Variants in LYPLA1 observed in about 807,000 individuals in gnomAD.
LYPLA1 encodes the protein lysophospholipase 1.
Under a neutral mutation model 34.0 loss-of-function variants are expected in LYPLA1, and 17 were observed. That is an observed-to-expected ratio of 0.50 (90% CI 0.34 to 0.75). The LOEUF is 0.75. Among genes scored for constraint, LYPLA1 ranks in the 30% least tolerant of loss-of-function variants. The pLI is 0.01. For synonymous variants in LYPLA1, 98 were observed against 100.8 expected, an observed-to-expected ratio of 0.97 and a Z score of 0.17; for missense variants, 203 against 288.8, an observed-to-expected ratio of 0.70 and a Z score of 2.15.
Position 54,051,021 on chromosome 8 carries a change from C to T in LYPLA1, c.630G>A (p.Ser210=), listed in dbSNP as rs149651554. Residue 210 remains serine, a synonymous_variant, in exon 8 of 9, where the codon TCG becomes TCA. Transcript: ENST00000316963. ...FKTYEGMMHS[S]CQQEMMDVKQ... ...GCTTCTAGACACCTACCTGTTGACA[C>T]GAACTGTGCATCATACCTTCATAGG... is the stretch of plus-strand genomic sequence containing the variant. The T allele has an allele frequency of 6.4e-5, 102 of 1,606,220 alleles. No homozygotes were observed. In the Middle Eastern group the frequency reaches 6.6e-4, roughly 10 times the overall value.
chr8:54,068,659 G>T (rs1039638546), intron 2 of LYPLA1, among the ~76,000 whole-genome samples: 1 of 152,286 alleles, frequency 6.6e-6, no homozygotes, highest in South Asian at 2.1e-4. Flanking sequence ...AAAGAAGTTG[G>T]ACTGCTACCT....
intron 3 of LYPLA1, among the ~76,000 whole-genome samples, chr8:54,063,767 C>T (rs80337037): frequency 1.3e-5 from 2 of 152,350 alleles, no homozygotes; most frequent in Non-Finnish European, 2.9e-5. Context: ...CATCAATTCT[C>T]ATATGCTCAG....
intron 7 of LYPLA1, among the ~76,000 whole-genome samples, chr8:54,052,447 G>A (rs1457323240): frequency 6.6e-6 from 1 of 152,108 alleles, no homozygotes. Context: ...GTGGAGGTGG[G>A]GATGCTGATG....
Position 54,047,120 on chromosome 8 carries a change from ATTCT to A in LYPLA1, c.*941_*944del, listed in dbSNP as rs1308768361. On this transcript the variant is annotated 3_prime_UTR_variant, in exon 9 of 9. Coordinates refer to ENST00000316963, the MANE Select transcript of LYPLA1 (RefSeq NM_006330.4). Reference sequence around the variant, plus strand: ...GAACATACTAGAATATGATCTAATTATTCTTTCAGTTGTTTACAGAAAAATGAAA... The same window carrying A: ...GAACATACTAGAATATGATCTAATTATTCAGTTGTTTACAGAAAAATGAAA... 1.3e-5 allele frequency: 2 copies of A among 152,184 alleles called. No homozygotes were observed. Among genetic ancestry groups the A allele is most frequent in the African/African-American group, 4.8e-5 (2 of 41,468 alleles). The allele number at this position is 152,184 out of a possible 1,614,324, so 9.4% of individuals were successfully genotyped here. A position where few individuals can be genotyped will look rare whatever the true frequency, so the allele number is the denominator to read the frequency against.
At chr8:54,070,157 A>C (rs911500062) in intron 2 of LYPLA1, among the ~76,000 whole-genome samples, 3 of 152,214 alleles carry the variant, frequency 2.0e-5, no homozygotes, top group Non-Finnish European at 4.4e-5. Context: ...AATAGTGAAA[A>C]AATATGTCCA....
intron 2 of LYPLA1, among the ~76,000 whole-genome samples, chr8:54,072,781 C>A (rs1051438925): frequency 6.6e-5 from 10 of 151,776 alleles, no homozygotes; most frequent in Non-Finnish European, 1.3e-4. Flanking sequence ...GAGTTCGAGA[C>A]CAACCTAGCC....
chr8:54,091,399 A>G (rs1809236788), intron 2 of LYPLA1, among the ~76,000 whole-genome samples: 1 of 152,036 alleles, frequency 6.6e-6, no homozygotes, highest in South Asian at 2.1e-4. Context: ...GAGGCAGAGA[A>G]TCGCTTGAAC....
At chr8:54,086,486 C>A (rs1049149533) in intron 2 of LYPLA1, among the ~76,000 whole-genome samples, 4 of 136,750 alleles carry the variant, frequency 2.9e-5, no homozygotes, top group African/African-American at 9.6e-5. Context: ...TCATCCCCCC[C>A]GCCCAAAAAA....
rs565952606 is a variant in LYPLA1, at chr8:54,048,887, C to T, written c.640-769G>A. Among the ~76,000 whole-genome samples, 221 of 152,282 alleles carry T rather than the reference C, an allele frequency of 1.5e-3. 1 individual carries two copies. Among genetic ancestry groups the T allele is most frequent in the African/African-American group, 5.0e-3 (208 of 41,576 alleles). On this transcript the variant is annotated intron_variant, in intron 8 of 8. Coordinates refer to ENST00000316963, the MANE Select transcript of LYPLA1 (RefSeq NM_006330.4). ...GAGATCACCTCCCACTATCCTACTTCTCCTCATTTTCTGCTCCTCCTCATT... is the reference window on the plus strand; with the variant it reads ...GAGATCACCTCCCACTATCCTACTTTTCCTCATTTTCTGCTCCTCCTCATT...
At chr8:54,101,247 T>C in intron 1 of LYPLA1, 1 of 700,770 alleles carries the variant, frequency 1.4e-6, no homozygotes, top group Non-Finnish European at 1.9e-6. Context: ...CAGGAACATC[T>C]CACATATCCT....
At chr8:54,085,558 G>C (rs189417751) in intron 2 of LYPLA1, among the ~76,000 whole-genome samples, 4 of 148,334 alleles carry the variant, frequency 2.7e-5, no homozygotes, top group Admixed American at 6.7e-5. Context: ...GCCGCCCATC[G>C]TCTGGGATGT....
At chr8:54,089,502 C>G (rs371933490) in intron 2 of LYPLA1, among the ~76,000 whole-genome samples, 24,421 of 113,668 alleles carry the variant, frequency 0.21, 5,279 homozygotes, top group East Asian at 0.68. Flanking sequence ...TGGGGGGGGG[C>G]GGGATCTTTG....
At chr8:54,060,378 G>A (rs1001909853) in intron 5 of LYPLA1, among the ~76,000 whole-genome samples, 2 of 152,138 alleles carry the variant, frequency 1.3e-5, no homozygotes, top group African/African-American at 4.8e-5. Flanking sequence ...GCCTGCCTCA[G>A]CCTCCCAAAG....
rs181336351 is a variant in LYPLA1 at position 54,053,144 on chromosome 8, G to A, written c.361-388C>T. ...AGTTTCACTCTTGTTGCCCAGGCTG[G>A]AGAGTAATGGTGCAATCTTGGCTCA... On this transcript the variant is annotated intron_variant, in intron 6 of 8. Coordinates refer to ENST00000316963, the MANE Select transcript of LYPLA1 (RefSeq NM_006330.4). 759 of 175,674 alleles carry A rather than the reference G, an allele frequency of 4.3e-3. 4 individuals are homozygous for A. The highest frequency in any genetic ancestry group is 7.3e-3 in the Non-Finnish European group (589 of 81,220). The allele number at this position is 175,674 out of a possible 1,614,324, so 10.9% of individuals were successfully genotyped here.
At chr8:54,085,247 C>A (rs1365276567) in intron 2 of LYPLA1, among the ~76,000 whole-genome samples, 1 of 152,140 alleles carries the variant, frequency 6.6e-6, no homozygotes, top group African/African-American at 2.4e-5. Flanking sequence ...CTCGGCATCC[C>A]GAGGTGCCGG....
intron 2 of LYPLA1, among the ~76,000 whole-genome samples, chr8:54,083,738 C>G (rs1205205357): frequency 6.6e-6 from 1 of 152,092 alleles, no homozygotes; most frequent in Non-Finnish European, 1.5e-5. Context: ...AAGTTTTTTC[C>G]TAACCATTTA....
intron 5 of LYPLA1, among the ~76,000 whole-genome samples, chr8:54,061,391 A>G (rs1806625616): frequency 1.3e-5 from 2 of 152,224 alleles, no homozygotes; most frequent in African/African-American, 2.4e-5. Context: ...GGCCAAAACT[A>G]TATAAACATT....
intron 2 of LYPLA1, among the ~76,000 whole-genome samples, chr8:54,076,172 T>C (rs1278202763): frequency 2.6e-5 from 4 of 152,084 alleles, no homozygotes; most frequent in Admixed American, 6.5e-5. Flanking sequence ...AGATCAAAAT[T>C]TGGGAAAGAA....
intron 2 of LYPLA1, among the ~76,000 whole-genome samples, chr8:54,094,863 T>A (rs997589546): frequency 1.3e-5 from 2 of 152,192 alleles, no homozygotes; most frequent in Non-Finnish European, 2.9e-5. Flanking sequence ...AATTTGAGCA[T>A]CAAAATAAAT....
Sources: allele counts gnomAD v4.1 joint callset (sites outside exome capture counted in the v4.1 genomes callset), GRCh38; gene constraint gnomAD v4.1.1; transcripts MANE v1.5; gene names NCBI Gene and HGNC (gene_info 2026-07-23, HGNC 2026-07-21).